Variants in COL22A1 observed in about 807,000 individuals in gnomAD.
COL22A1 encodes the protein collagen alpha-1(XXII) chain.
COL22A1 carries 221 observed loss-of-function variants against 248.9 expected under a neutral mutation model. The observed-to-expected ratio is 0.89, with a 90% confidence interval of 0.80 to 0.99. The LOEUF is 0.99. Among genes scored for constraint, COL22A1 ranks in the 50% least tolerant of loss-of-function variants. The pLI, the probability that COL22A1 is intolerant of heterozygous loss-of-function variation, is 0.00. For synonymous variants in COL22A1, 891 were observed against 793.4 expected (o/e 1.12, Z -2.07); for missense variants, 2,240 against 2,179.0 (o/e 1.03, Z -0.56).
chr8:138,692,201 T>C (rs1827074077), intron 35 of COL22A1, among the ~76,000 whole-genome samples: 4 of 151,928 alleles, frequency 2.6e-5, no homozygotes, highest in Admixed American at 6.5e-5. Flanking sequence ...CATGTGTGCA[T>C]GTTTGTGGAG....
At chr8:138,692,849 G>A (rs544966292) in intron 35 of COL22A1, among the ~76,000 whole-genome samples, 16 of 152,224 alleles carry the variant, frequency 1.1e-4, no homozygotes, top group Admixed American at 1.0e-3. Context: ...TCCCCACTGT[G>A]GCATCCACAC....
At chr8:138,769,785 C>G (rs565573605) in intron 16 of COL22A1, among the ~76,000 whole-genome samples, 4 of 152,202 alleles carry the variant, frequency 2.6e-5, no homozygotes, top group African/African-American at 9.7e-5. Context: ...CCCTCAAAAG[C>G]AACACAAATT....
intron 40 of COL22A1, 109 bp downstream of exon 40, chr8:138,679,508 G>A: frequency 1.1e-6 from 1 of 911,176 alleles, no homozygotes; most frequent in South Asian, 1.3e-5. Flanking sequence ...AGCTTCCAAA[G>A]CCTACTTATC....
chr8:138,848,741 A>T, intron 3 of COL22A1, among the ~76,000 whole-genome samples: 1 of 152,202 alleles, frequency 6.6e-6, no homozygotes, highest in East Asian at 1.9e-4. Flanking sequence ...CATTACACAG[A>T]TATAAAAACT....
intron 16 of COL22A1, among the ~76,000 whole-genome samples, chr8:138,765,414 T>C (rs1172828729): frequency 6.6e-6 from 1 of 152,162 alleles, no homozygotes; most frequent in African/African-American, 2.4e-5. Flanking sequence ...GTACCAGGAC[T>C]CAAATCGAGG....
At chr8:138,858,298 G>T (rs1327671045) in intron 3 of COL22A1, among the ~76,000 whole-genome samples, 1 of 152,162 alleles carries the variant, frequency 6.6e-6, no homozygotes, top group Non-Finnish European at 1.5e-5. Flanking sequence ...AGTTCAATAT[G>T]GAGGACTTCC....
intron 4 of COL22A1, among the ~76,000 whole-genome samples, chr8:138,840,559 G>A (rs554868298): frequency 1.8e-3 from 219 of 124,436 alleles, no homozygotes; most frequent in South Asian, 3.9e-3. Flanking sequence ...ACACACACAC[G>A]CGCTCCTGAA....
chr8:138,673,972 A>G (rs1347946001), intron 41 of COL22A1, among the ~76,000 whole-genome samples: 1 of 152,158 alleles, frequency 6.6e-6, no homozygotes, highest in African/African-American at 2.4e-5. Context: ...CAACAACGCC[A>G]TGCAGTCACT....
intron 17 of COL22A1, among the ~76,000 whole-genome samples, chr8:138,760,911 C>T (rs569383028): frequency 4.3e-4 from 65 of 152,272 alleles, no homozygotes; most frequent in African/African-American, 1.5e-3. Context: ...AGCCACAGCA[C>T]AGAGCACAGG....
chr8:138,882,159 T>G (rs902015694), intron 2 of COL22A1, among the ~76,000 whole-genome samples: 1 of 152,034 alleles, frequency 6.6e-6, no homozygotes, highest in Non-Finnish European at 1.5e-5. Context: ...CTGCACACAC[T>G]TGGTAGAGAC....
intron 12 of COL22A1, among the ~76,000 whole-genome samples, chr8:138,793,005 G>A (rs1377595745): frequency 6.6e-6 from 1 of 152,210 alleles, no homozygotes; most frequent in Non-Finnish European, 1.5e-5. Context: ...TTGTCTTAAT[G>A]ATGGGAGAGT....
intron 22 of COL22A1, among the ~76,000 whole-genome samples, chr8:138,746,673 T>C (rs1832140329): frequency 6.6e-6 from 1 of 152,258 alleles, no homozygotes; most frequent in Non-Finnish European, 1.5e-5. Flanking sequence ...TGTGTTGCTC[T>C]GCACCCTGTG....
chr8:138,837,217 AG>A (rs1820506791), intron 4 of COL22A1, among the ~76,000 whole-genome samples: 1 of 152,124 alleles, frequency 6.6e-6, no homozygotes, highest in Non-Finnish European at 1.5e-5. Flanking sequence ...CCCTGGCAAT[AG>A]CTCTGCCACC....
chr8:138,766,880 T>C, intron 16 of COL22A1, among the ~76,000 whole-genome samples: 1 of 152,322 alleles, frequency 6.6e-6, no homozygotes, highest in South Asian at 2.1e-4. Context: ...GACTTGCTGC[T>C]GTTGATTGGG....
intron 1 of COL22A1, among the ~76,000 whole-genome samples, chr8:138,892,876 G>A (rs1243231321): frequency 1.3e-5 from 2 of 152,250 alleles, no homozygotes; most frequent in Non-Finnish European, 2.9e-5. Context: ...GGGGGCTGGG[G>A]GAATGAGGCA....
chr8:138,816,449 T>C (rs1487026964), intron 7 of COL22A1, among the ~76,000 whole-genome samples: 1 of 152,202 alleles, frequency 6.6e-6, no homozygotes, highest in Non-Finnish European at 1.5e-5. Context: ...AACTGCTGCA[T>C]GGGTCTGCTT....
intron 3 of COL22A1, among the ~76,000 whole-genome samples, chr8:138,850,977 C>G (rs1821597381): frequency 6.6e-6 from 1 of 152,238 alleles, no homozygotes; most frequent in Non-Finnish European, 1.5e-5. Context: ...GTGCAAGGAA[C>G]AAGTGCAAAC....
intron 3 of COL22A1, 122 bp from the exon 4 acceptor site, chr8:138,844,280 A>AGAAGAT: frequency 1.2e-6 from 1 of 836,924 alleles, no homozygotes; most frequent in Non-Finnish European, 2.1e-6. Flanking sequence ...CAATGCCTGG[A>AGAAGAT]GAAGATGCAG....
chr8:138,799,408 T>C (rs1028702481), intron 11 of COL22A1, among the ~76,000 whole-genome samples: 5 of 152,210 alleles, frequency 3.3e-5, no homozygotes, highest in Middle Eastern at 3.2e-3. Context: ...TTGTTGAAAA[T>C]TGGACATTTT....
Sources: allele counts gnomAD v4.1 joint callset (sites outside exome capture counted in the v4.1 genomes callset), GRCh38; gene constraint gnomAD v4.1.1; transcripts MANE v1.5; gene names NCBI Gene and HGNC (gene_info 2026-07-23, HGNC 2026-07-21).